Variants in MGLL observed in about 807,000 individuals in gnomAD.
MGLL encodes the protein lysophospholipase homolog.
In MGLL, 7 loss-of-function variants were observed where a neutral mutation model predicts 29.1. That is an observed-to-expected ratio of 0.24 (90% CI 0.14 to 0.45). MGLL has a LOEUF of 0.45. Among genes scored for constraint, MGLL ranks in the 20% least tolerant of loss-of-function variants. The probability of loss-of-function intolerance (pLI) is 0.99; values close to 1 mark genes in which losing one functional copy is unlikely to be tolerated. For missense variants in MGLL, 356 were observed against 413.6 expected (o/e 0.86, Z 1.21); for synonymous variants, 148 against 168.3 (o/e 0.88, Z 0.93).
intron 4 of MGLL, among the ~76,000 whole-genome samples, 157 bp downstream of exon 4, chr3:127,722,273 C>T (rs970065547): frequency 6.6e-6 from 1 of 152,206 alleles, no homozygotes; most frequent in African/African-American, 2.4e-5. Context: ...TTCCTAAGCA[C>T]GGAATTGCCC....
At position 127,726,838 on chromosome 3, in the gene MGLL, A is replaced by G. The variant is rs116352481; in HGVS notation, c.263-4272T>C. Among the ~76,000 whole-genome samples, 761 of 152,316 alleles carry G rather than the reference A, an allele frequency of 5.0e-3. 6 individuals carry two copies. Among genetic ancestry groups the G allele is most frequent in the African/African-American group, 0.017 (708 of 41,574 alleles). On this transcript the variant is annotated intron_variant, in intron 3 of 7. Coordinates refer to ENST00000265052, the MANE Select transcript of MGLL (RefSeq NM_007283.7). ...ATTAACTATTAAAACACTTCACCCT[A>G]AACACTTCAGCATGCTTAGTGACAT...
At chr3:127,759,299 A>C (rs911161146) in intron 3 of MGLL, among the ~76,000 whole-genome samples, 1 of 152,208 alleles carries the variant, frequency 6.6e-6, no homozygotes, top group African/African-American at 2.4e-5. Context: ...ACTGAGACAC[A>C]GAGTCAGGCG....
chr3:127,794,173 G>A (rs2077345675), intron 2 of MGLL, among the ~76,000 whole-genome samples: 1 of 152,082 alleles, frequency 6.6e-6, no homozygotes, highest in Admixed American at 6.5e-5. Context: ...AGCTGGGCGT[G>A]GTGGCTTGTG....
At position 127,736,530 on chromosome 3, in the gene MGLL, C is replaced by T. The variant is rs149350684; in HGVS notation, c.263-13964G>A. Among the ~76,000 whole-genome samples, 10 of 152,328 alleles carry T rather than the reference C, an allele frequency of 6.6e-5. No individual in the cohort carries two copies. In the East Asian group the frequency reaches 1.4e-3, roughly 21 times the overall value. On this transcript the variant is annotated intron_variant, in intron 3 of 7. Transcript: ENST00000265052. ...GCTGGGTGAGGGGAAGGGCTCCTTT[C>T]ACCTGGGTTTAATGAATGAATAAGC...
intron 2 of MGLL, among the ~76,000 whole-genome samples, chr3:127,786,288 T>C (rs1025895629): frequency 6.6e-6 from 1 of 152,190 alleles, no homozygotes; most frequent in Non-Finnish European, 1.5e-5. Flanking sequence ...AGGAAAGTGG[T>C]TGGTTCCTGC....
rs1007961410 is a variant in MGLL, at chr3:127,770,222, C to T, written c.262+11567G>A. Reference sequence around the variant, plus strand: ...ATTTTTGTAGAGACAGAGTCACATCCTATTGCCCAGACTGGTCTCAAACTC... The same window carrying T: ...ATTTTTGTAGAGACAGAGTCACATCTTATTGCCCAGACTGGTCTCAAACTC... On this transcript the variant is annotated intron_variant, in intron 3 of 7. Transcript: ENST00000265052. Among the ~76,000 whole-genome samples, 3 of 152,026 alleles carry T rather than the reference C, an allele frequency of 2.0e-5. No homozygotes were observed. The East Asian group carries it at 5.8e-4, about 29-fold the overall frequency.
chr3:127,716,146 A>G (rs1427025442), intron 5 of MGLL, among the ~76,000 whole-genome samples: 1 of 152,214 alleles, frequency 6.6e-6, no homozygotes, highest in Admixed American at 6.5e-5. Flanking sequence ...AAATGGCTAC[A>G]CAGTCACTAG....
intron 3 of MGLL, among the ~76,000 whole-genome samples, chr3:127,726,837 T>C (rs2076055755): frequency 6.6e-6 from 1 of 152,232 alleles, no homozygotes; most frequent in Non-Finnish European, 1.5e-5. Context: ...CACTTCACCC[T>C]AAACACTTCA....
intron 3 of MGLL, among the ~76,000 whole-genome samples, chr3:127,759,308 C>A (rs111620653): frequency 1.3e-5 from 2 of 152,174 alleles, no homozygotes; most frequent in Non-Finnish European, 2.9e-5. Context: ...CAGAGTCAGG[C>A]GGCTCTCAAC....
Position 127,820,852 on chromosome 3 carries a change from C to A in MGLL, c.155+842G>T, listed in dbSNP as rs1264859706. ...ATATCTCTGTGTTTTTAACGTGCAG[C>A]TCCCTGGATCATAGATACCTTGATG... On this transcript the variant is annotated intron_variant, in intron 2 of 7. Transcript: ENST00000265052. Among the ~76,000 whole-genome samples the A allele has an allele frequency of 5.3e-5, 8 of 152,302 alleles. No homozygotes were observed. In the East Asian group the frequency reaches 1.5e-3, roughly 29 times the overall value.
chr3:127,766,799 A>G (rs72626389), intron 3 of MGLL, among the ~76,000 whole-genome samples: 19,124 of 152,218 alleles, frequency 0.13, 1,239 homozygotes, highest in Middle Eastern at 0.17. Context: ...GGCCGGGGAC[A>G]GTGGCTCACA....
chr3:127,747,306 C>T (rs747700017), intron 3 of MGLL, among the ~76,000 whole-genome samples: 6 of 152,164 alleles, frequency 3.9e-5, no homozygotes, highest in African/African-American at 9.7e-5. Flanking sequence ...CTGAAACACC[C>T]CTCCACCCTG....
At chr3:127,819,691 T>C (rs2077823231) in intron 2 of MGLL, among the ~76,000 whole-genome samples, 1 of 152,188 alleles carries the variant, frequency 6.6e-6, no homozygotes, top group African/African-American at 2.4e-5. Context: ...TGAATGATTC[T>C]GTGCAGGCAA....
At chr3:127,765,541 C>A (rs886341638) in intron 3 of MGLL, among the ~76,000 whole-genome samples, 1 of 152,222 alleles carries the variant, frequency 6.6e-6, no homozygotes, top group African/African-American at 2.4e-5. Flanking sequence ...GGAAGAGCCA[C>A]GTGTTCTTGT....
chr3:127,722,597 G>A, intron 3 of MGLL, 31 bp from the exon 4 acceptor site: 4 of 1,614,184 alleles, frequency 2.5e-6, no homozygotes, highest in Non-Finnish European at 3.4e-6. Context: ...AGAGAGAGCT[G>A]CAGTTACCAG....
At chr3:127,821,043 C>A (rs569623254) in intron 2 of MGLL, among the ~76,000 whole-genome samples, 1 of 152,300 alleles carries the variant, frequency 6.6e-6, no homozygotes, top group East Asian at 1.9e-4. Context: ...CAATTGGTTA[C>A]CACAAATAAA....
chr3:127,751,323 C>T (rs7651814), intron 3 of MGLL, among the ~76,000 whole-genome samples: 38,609 of 151,382 alleles, frequency 0.26, 6,904 homozygotes, highest in African/African-American at 0.51. Context: ...GCTTGTGACT[C>T]ACTCGGACCA....
intron 3 of MGLL, among the ~76,000 whole-genome samples, chr3:127,767,192 A>T (rs1208881675): frequency 4.6e-5 from 7 of 151,684 alleles, no homozygotes; most frequent in Non-Finnish European, 4.4e-5. Context: ...TATCACCATC[A>T]CCATCTATGG....
chr3:127,736,747 T>G (rs1302774801), intron 3 of MGLL, among the ~76,000 whole-genome samples: 1 of 152,174 alleles, frequency 6.6e-6, no homozygotes, highest in African/African-American at 2.4e-5. Context: ...CAGGCTGGAG[T>G]GCAGTGGTGC....
Sources: allele counts gnomAD v4.1 joint callset (sites outside exome capture counted in the v4.1 genomes callset), GRCh38; gene constraint gnomAD v4.1.1; transcripts MANE v1.5; gene names NCBI Gene and HGNC (gene_info 2026-07-23, HGNC 2026-07-21).